The following STARD6 variants were observed in gnomAD, a reference collection of about 807,000 sequenced individuals.
The protein encoded by STARD6 is stAR-related lipid transfer protein 6.
Under a neutral mutation model 22.3 loss-of-function variants are expected in STARD6, and 21 were observed. The ratio of observed to expected loss-of-function variants is 0.94; its 90% CI spans 0.67 to 1.35. The LOEUF (loss-of-function observed/expected upper bound fraction) is 1.35, where lower values mean the gene tolerates loss of function less well. Ranked by LOEUF, STARD6 falls within the 40% of genes most tolerant of loss-of-function variation. The probability of loss-of-function intolerance (pLI) is 0.00; values close to 1 mark genes in which losing one functional copy is unlikely to be tolerated. For synonymous variants in STARD6, 80 were observed against 88.1 expected (o/e 0.91, Z 0.52); for missense variants, 269 against 266.9 (o/e 1.01, Z -0.05).
At chr18:54,355,078 A>G (rs1240219710) in intron 2 of STARD6, among the ~76,000 whole-genome samples, 2 of 152,198 alleles carry the variant, frequency 1.3e-5, no homozygotes, top group Non-Finnish European at 2.9e-5. Flanking sequence ...AGTGCGTAGC[A>G]GTGGCACTAC....
intron 6 of STARD6, among the ~76,000 whole-genome samples, chr18:54,330,078 T>C (rs1404052400): frequency 2.0e-5 from 3 of 151,968 alleles, no homozygotes; most frequent in Non-Finnish European, 4.4e-5. Context: ...TTTATGATAA[T>C]ATATATACTC....
intron 1 of STARD6, 54 bp downstream of exon 1, chr18:54,357,738 G>A (rs191690610): frequency 6.5e-6 from 1 of 152,958 alleles, no homozygotes; most frequent in Admixed American, 6.5e-5. Flanking sequence ...CAGCGACTTG[G>A]ATGCAGCCCA....
chr18:54,356,006 G>T (rs2041048320), intron 2 of STARD6, among the ~76,000 whole-genome samples: 1 of 152,120 alleles, frequency 6.6e-6, no homozygotes, highest in African/African-American at 2.4e-5. Context: ...TCATTATAAG[G>T]ATTAGTTGAG....
intron 4 of STARD6, among the ~76,000 whole-genome samples, chr18:54,347,214 AT>A (rs997381561): frequency 6.6e-6 from 1 of 152,158 alleles, no homozygotes; most frequent in Non-Finnish European, 1.5e-5. Flanking sequence ...GAGAACCTAT[AT>A]TTTATCTAAG....
chr18:54,326,994 C>G (rs2088830162), intron 7 of STARD6, among the ~76,000 whole-genome samples: 1 of 152,132 alleles, frequency 6.6e-6, no homozygotes, highest in Non-Finnish European at 1.5e-5. Flanking sequence ...TGAAACTGAG[C>G]TTTGCTATTA....
Position 54,356,749 on chromosome 18 carries a change from T to C in STARD6, c.-88-305A>G, listed in dbSNP as rs1044083989. On this transcript the variant is annotated intron_variant, in intron 1 of 7. Transcript: ENST00000307844. ...TTACGTCACTAACAATTAACAAGGA[T>C]TGTTAATCCCCGACCAGGGCTCGTC... Among the ~76,000 whole-genome samples the C allele has an allele frequency of 3.9e-5, 6 of 152,306 alleles. No individual in the cohort carries two copies. The South Asian group carries it at 1.2e-3, about 32-fold the overall frequency.
intron 5 of STARD6, among the ~76,000 whole-genome samples, chr18:54,334,369 T>C (rs2088891120): frequency 6.6e-6 from 1 of 152,176 alleles, no homozygotes; most frequent in Non-Finnish European, 1.5e-5. Flanking sequence ...CTCTTAAAAG[T>C]GTAAATCAAA....
Position 54,356,351 on chromosome 18 carries a change from G to A in STARD6, c.-5+10C>T, listed in dbSNP as rs1365487476. On this transcript the variant is annotated intron_variant, in intron 2 of 7. Coordinates refer to ENST00000307844, the MANE Select transcript of STARD6 (RefSeq NM_139171.2). ...CCTCCTCTTTCCTAGCAGAGTCCTG[G>A]TTTCTTTACCTTTCCTGACAGATCT... The A allele has an allele frequency of 1.3e-5, 2 of 152,136 alleles. No individual in the cohort carries two copies. Among genetic ancestry groups the A allele is most frequent in the Admixed American group, 1.3e-4 (2 of 15,282 alleles). The allele number at this position is 152,136 out of a possible 1,614,324, so 9.4% of individuals were successfully genotyped here.
chr18:54,336,845 ATGGAGGTGAATCCC>A (rs1443144123), intron 5 of STARD6, among the ~76,000 whole-genome samples: 3 of 152,248 alleles, frequency 2.0e-5, no homozygotes, highest in African/African-American at 7.2e-5. Flanking sequence ...TTTCCATGTA[ATGGAGGTGAATCCC>A]TGAGTTCTGT....
At chr18:54,338,586 G>C (rs1054788685) in intron 4 of STARD6, among the ~76,000 whole-genome samples, 1 of 151,914 alleles carries the variant, frequency 6.6e-6, no homozygotes, top group Admixed American at 6.6e-5. Flanking sequence ...TGGGTGGATG[G>C]AGTCAGTATC....
intron 4 of STARD6, among the ~76,000 whole-genome samples, chr18:54,344,033 A>G (rs2089011904): frequency 2.1e-5 from 1 of 46,976 alleles, no homozygotes; most frequent in Non-Finnish European, 3.5e-5. Flanking sequence ...CTGGGAAGTG[A>G]GGAGCCCCTC....
At chr18:54,354,012 T>C (rs1316893689) in intron 4 of STARD6, 42 bp downstream of exon 4, 6 of 1,290,890 alleles carry the variant, frequency 4.6e-6, no homozygotes, top group African/African-American at 4.5e-5. Context: ...ATCAATGGCA[T>C]TGAATTTAAA....
At chr18:54,337,343 T>G in intron 4 of STARD6, 92 bp from the exon 5 acceptor site, 4 of 1,211,662 alleles carry the variant, frequency 3.3e-6, no homozygotes, top group Non-Finnish European at 4.5e-6. Context: ...GTAGGCTAAT[T>G]TAGCAAACAG....
At position 54,343,879 on chromosome 18, in the gene STARD6, G is replaced by GC. The variant is rs2089009607; in HGVS notation, c.141-6629dup. On this transcript the variant is annotated intron_variant, in intron 4 of 7. Coordinates refer to ENST00000307844, the MANE Select transcript of STARD6 (RefSeq NM_139171.2). ...GAGGAGCCCCTCTGCCCGGCCAGCTGCCCCGTCCGCGAGGGAGGTGGGGGG... is the reference window on the plus strand; with the variant it reads ...GAGGAGCCCCTCTGCCCGGCCAGCTGCCCCCGTCCGCGAGGGAGGTGGGGGG... Among the ~76,000 whole-genome samples the GC allele has an allele frequency of 6.2e-5, 2 of 32,508 alleles. 1 individual carries two copies. Among genetic ancestry groups the GC allele is most frequent in the Admixed American group, 4.0e-4 (2 of 4,984 alleles). 21.3% of individuals were successfully genotyped at this position (32,508 alleles called of 152,430 possible).
chr18:54,326,256 T>G (rs997445608), intron 7 of STARD6, among the ~76,000 whole-genome samples: 2 of 152,232 alleles, frequency 1.3e-5, no homozygotes, highest in East Asian at 1.9e-4. Flanking sequence ...GAAAAAATTC[T>G]TTTCCAAGTC....
chr18:54,335,054 T>G (rs943317856), intron 5 of STARD6, among the ~76,000 whole-genome samples: 2 of 152,090 alleles, frequency 1.3e-5, no homozygotes, highest in African/African-American at 4.8e-5. Flanking sequence ...AAAGTCAGGA[T>G]TCCCCCCAAA....
chr18:54,338,378 T>C (rs2088936243), intron 4 of STARD6, among the ~76,000 whole-genome samples: 1 of 151,730 alleles, frequency 6.6e-6, no homozygotes, highest in African/African-American at 2.4e-5. Context: ...CAGTAGAGGG[T>C]AAAAATTACC....
chr18:54,339,915 A>C (rs1787830), intron 4 of STARD6, among the ~76,000 whole-genome samples: 116,419 of 151,964 alleles, frequency 0.77, 45,526 homozygotes, highest in African/African-American at 0.94. Context: ...GGGCTTATAA[A>C]ATGTATACAT....
chr18:54,357,777 A>T lies in STARD6; in HGVS notation c.-89+15T>A, dbSNP rs2089170278. 1 of 152,848 alleles carries T rather than the reference A, an allele frequency of 6.5e-6. No individual in the cohort carries two copies. Among genetic ancestry groups the T allele is most frequent in the Admixed American group, 6.5e-5 (1 of 15,288 alleles). The allele number at this position is 152,848 out of a possible 1,614,324, so 9.5% of individuals were successfully genotyped here. A position where few individuals can be genotyped will look rare whatever the true frequency, so the allele number is the denominator to read the frequency against. ...CCCCCCATTCCCAGCCCCAGAAAGG[A>T]GGGAGAAACAGCACCTTCCAGCAGG... On this transcript the variant is annotated intron_variant, in intron 1 of 7. Coordinates refer to ENST00000307844, the MANE Select transcript of STARD6 (RefSeq NM_139171.2).
Sources: gnomAD v4.1 joint callset for allele counts (sites outside exome capture counted in the v4.1 genomes callset) on GRCh38, gnomAD v4.1.1 for gene constraint, MANE v1.5 for transcripts, NCBI Gene and HGNC (gene_info 2026-07-23, HGNC 2026-07-21) for gene names.